PARD3: variants seen among roughly 807,000 people sequenced by gnomAD.
PARD3 encodes the protein par-3 family cell polarity regulator, also known as partitioning defective 3 homolog.
Under a neutral mutation model 155.4 loss-of-function variants are expected in PARD3, and 75 were observed. The observed-to-expected ratio is 0.48, with a 90% CI of 0.40 to 0.58. PARD3 has a LOEUF of 0.58. Ranked by LOEUF, PARD3 falls within the 20% of genes least tolerant of loss-of-function variation. PARD3 has a pLI of 0.00. For synonymous variants in PARD3, 576 were observed against 610.5 expected (o/e 0.94, Z 0.83); for missense variants, 1,642 against 1,721.7 (o/e 0.95, Z 0.82).
At chr10:34,584,448 T>C (rs78887104) in intron 2 of PARD3, among the ~76,000 whole-genome samples, 2,087 of 152,288 alleles carry the variant, frequency 0.014, 56 homozygotes, top group African/African-American at 0.047. Context: ...CCAAAACATA[T>C]GTAAAACAGA....
chr10:34,768,523 C>A (rs1453597859), intron 1 of PARD3, among the ~76,000 whole-genome samples: 1 of 152,202 alleles, frequency 6.6e-6, no homozygotes, highest in Non-Finnish European at 1.5e-5. Context: ...AGGAGGCAAT[C>A]AGATACACAT....
chr10:34,505,462 A>C (rs1414954187), intron 3 of PARD3, among the ~76,000 whole-genome samples: 6 of 152,184 alleles, frequency 3.9e-5, no homozygotes, highest in Admixed American at 3.9e-4. Flanking sequence ...TGAATGATAC[A>C]GAGAGCTTTG....
At chr10:34,219,185 A>G (rs945435097) in intron 22 of PARD3, among the ~76,000 whole-genome samples, 5 of 152,212 alleles carry the variant, frequency 3.3e-5, no homozygotes, top group Non-Finnish European at 5.9e-5. Flanking sequence ...CAATAATCTC[A>G]GCCTCCCTCT....
intron 22 of PARD3, among the ~76,000 whole-genome samples, chr10:34,218,916 A>G (rs1952144962): frequency 6.6e-6 from 1 of 152,210 alleles, no homozygotes; most frequent in African/African-American, 2.4e-5. Flanking sequence ...TCCTATTTTA[A>G]GATCAGATCC....
At position 34,110,365 on chromosome 10, in the gene PARD3, C is replaced by G. The variant is rs924826030; in HGVS notation, c.*804G>C. The stretch of plus-strand genomic sequence containing the variant: ...GGAGAATTTCTTTCTTAGCTCTCCC[C>G]TCATGATAGACACAGGGCCAATGGC... On this transcript the variant is annotated 3_prime_UTR_variant, in exon 25 of 25. Transcript: ENST00000374788. 1 of 152,166 alleles carries G rather than the reference C, an allele frequency of 6.6e-6. No homozygotes were observed. The highest frequency in any genetic ancestry group is 2.4e-5 in the African/African-American group (1 of 41,426). 9.4% of individuals were successfully genotyped at this position (152,166 alleles called of 1,614,324 possible).
intron 2 of PARD3, among the ~76,000 whole-genome samples, chr10:34,657,144 T>C (rs1331303823): frequency 6.6e-6 from 1 of 152,062 alleles, no homozygotes; most frequent in African/African-American, 2.4e-5. Flanking sequence ...CGATGGCTCA[T>C]GTCCGTAATT....
chr10:34,740,419 G>A (rs566749025), intron 1 of PARD3, among the ~76,000 whole-genome samples: 3 of 152,268 alleles, frequency 2.0e-5, no homozygotes, highest in African/African-American at 4.8e-5. Flanking sequence ...CCTCTTTCAC[G>A]ACCCAAGAAT....
intron 14 of PARD3, 75 bp from the exon 15 acceptor site, chr10:34,348,190 C>A: frequency 7.4e-7 from 1 of 1,351,158 alleles, no homozygotes; most frequent in Non-Finnish European, 1.0e-6. Flanking sequence ...AGAATTATAA[C>A]AACTTGCCCG....
intron 20 of PARD3, among the ~76,000 whole-genome samples, chr10:34,299,111 A>C (rs560356689): frequency 6.6e-6 from 1 of 152,302 alleles, no homozygotes; most frequent in African/African-American, 2.4e-5. Flanking sequence ...AGTCCCCAAC[A>C]ACTGATTTTG....
intron 19 of PARD3, among the ~76,000 whole-genome samples, chr10:34,320,295 T>C (rs531498484): frequency 4.6e-5 from 7 of 152,344 alleles, no homozygotes; most frequent in African/African-American, 1.7e-4. Context: ...GGAATGCTCA[T>C]GATATTTGGT....
chr10:34,706,700 G>A (rs2094367647), intron 1 of PARD3, among the ~76,000 whole-genome samples: 2 of 152,170 alleles, frequency 1.3e-5, no homozygotes, highest in Non-Finnish European at 2.9e-5. Context: ...GGTTGAGGCT[G>A]CTGTGAGCCA....
intron 4 of PARD3, among the ~76,000 whole-genome samples, chr10:34,461,018 T>C (rs1305443426): frequency 1.3e-5 from 2 of 152,180 alleles, no homozygotes; most frequent in Non-Finnish European, 2.9e-5. Flanking sequence ...AAAACAGATT[T>C]GGCTTATAGG....
chr10:34,721,086 G>A lies in PARD3; in HGVS notation c.121-24667C>T, dbSNP rs192490488. Among the ~76,000 whole-genome samples the A allele has an allele frequency of 1.5e-3, 230 of 152,188 alleles. 1 individual carries two copies. The highest frequency in any genetic ancestry group is 5.3e-3 in the African/African-American group (221 of 41,526). Reference sequence around the variant, plus strand: ...AGAAGTATCCTGAGAATGGTGACTCGTTTGTTCTAAATCTATATCAACTAT... The same window carrying A: ...AGAAGTATCCTGAGAATGGTGACTCATTTGTTCTAAATCTATATCAACTAT... On this transcript the variant is annotated intron_variant, in intron 1 of 24. Coordinates refer to ENST00000374788, the MANE Select transcript of PARD3 (RefSeq NM_001184785.2).
chr10:34,234,737 C>T (rs545334491), intron 22 of PARD3, among the ~76,000 whole-genome samples: 1 of 152,154 alleles, frequency 6.6e-6, no homozygotes, highest in Non-Finnish European at 1.5e-5. Flanking sequence ...CTTTATTGAA[C>T]TCACCACTAT....
chr10:34,206,101 A>G (rs566346377), intron 22 of PARD3, among the ~76,000 whole-genome samples: 17 of 152,306 alleles, frequency 1.1e-4, no homozygotes, highest in Admixed American at 5.9e-4. Flanking sequence ...ACAGCAGTCA[A>G]GCATAATTTG....
Position 34,111,571 on chromosome 10 carries a change from C to CA in PARD3, c.3669-10dup, listed in dbSNP as rs1194193108. On this transcript the variant is annotated splice_polypyrimidine_tract_variant and intron_variant, in intron 24 of 24. Transcript: ENST00000374788. ...CATTTTTCCTGCTTTGCCTAGAAAG[C>CA]AAAACCCAAAGGTTAGTGTGAGGGT... 1 of 1,587,004 alleles carries CA rather than the reference C, an allele frequency of 6.3e-7. No homozygotes were observed. The highest frequency in any genetic ancestry group is 1.4e-5 in the African/African-American group (1 of 74,052).
Position 34,814,990 on chromosome 10 carries a change from T to A in PARD3, c.6A>T (p.Lys2Asn). The A allele has an allele frequency of 1.3e-6, 2 of 1,498,700 alleles. No individual in the cohort carries two copies. Among genetic ancestry groups the A allele is most frequent in the Non-Finnish European group, 1.8e-6 (2 of 1,122,958 alleles). 92.8% of individuals were successfully genotyped at this position (1,498,700 alleles called of 1,614,324 possible). A position where few individuals can be genotyped will look rare whatever the true frequency, so the allele number is the denominator to read the frequency against. ...GGGTCCGTCCGAAGCACACGGTCAC[T>A]TTCATGCCGCCGCCGCCGCGGGCGG... is the stretch of plus-strand genomic sequence containing the variant. M[K>N]VTVCFGRTRV... The change falls in exon 1 of 25, where the codon AAA (lysine) becomes AAT (asparagine). Residue 2 changes from lysine (K) to asparagine (N), a missense_variant. Physicochemically the swap from Lys to Asn is moderately conservative, Grantham distance 94 (BLOSUM62 0). This residue lies in a region of PARD3 where 75 missense variants were observed against 65.3 expected (regional missense o/e 1.15). Coordinates refer to ENST00000374788, the MANE Select transcript of PARD3 (RefSeq NM_001184785.2).
At chr10:34,129,674 T>C (rs1947484654) in intron 23 of PARD3, among the ~76,000 whole-genome samples, 2 of 107,926 alleles carry the variant, frequency 1.9e-5, no homozygotes, top group South Asian at 2.6e-4. Flanking sequence ...AATCAAATGT[T>C]CCTTTTTTTT....
chr10:34,322,009 T>C (rs1001131004), intron 19 of PARD3, among the ~76,000 whole-genome samples: 1 of 152,066 alleles, frequency 6.6e-6, no homozygotes, highest in African/African-American at 2.4e-5. Context: ...ATAATTTCTG[T>C]TGGCCGCTTA....
Sources: gnomAD v4.1 joint callset for allele counts (sites outside exome capture counted in the v4.1 genomes callset) on GRCh38, gnomAD v4.1.1 for gene constraint, gnomAD v4.1.1 regional missense constraint, MANE v1.5 for transcripts, NCBI Gene and HGNC (gene_info 2026-07-23, HGNC 2026-07-21) for gene names.